RTEL1: variants seen among roughly 807,000 people sequenced by gnomAD.
RTEL1 encodes regulator of telomere elongation helicase 1, also known as regulator of telomere length.
Under a neutral mutation model 162.2 loss-of-function variants are expected in RTEL1, and 86 were observed. That is an observed-to-expected ratio of 0.53 (90% CI 0.45 to 0.63). The LOEUF (loss-of-function observed/expected upper bound fraction) is 0.63, where lower values mean the gene tolerates loss of function less well. RTEL1 is among the 30% of genes least tolerant of loss of function. RTEL1 has a pLI of 0.00. For missense variants in RTEL1, 1,941 were observed against 1,750.2 expected (o/e 1.11, Z -1.95); for synonymous variants, 958 against 717.9 (o/e 1.33, Z -5.35).
At chr20:63,674,946 T>C (rs2090319149) in intron 10 of RTEL1, among the ~76,000 whole-genome samples, 1 of 151,976 alleles carries the variant, frequency 6.6e-6, no homozygotes, top group African/African-American at 2.4e-5. Flanking sequence ...TCACTTTTGT[T>C]GCCCAGGCTG....
chr20:63,693,087 T>A (rs2090799127), intron 29 of RTEL1, 56 bp from the exon 30 acceptor site: 25 of 1,611,088 alleles, frequency 1.6e-5, no homozygotes, highest in Non-Finnish European at 2.0e-5. Context: ...TCCAAGGTGG[T>A]CTCTGTTCTC....
In RTEL1 at chr20:63,693,423, TCCACCTCCA is replaced by T. The variant is rs1309099310; in HGVS notation, c.2992+146_2992+154del. 1.4e-5 allele frequency: 13 copies of T among 923,858 alleles called. No individual in the cohort carries two copies. The East Asian group carries it at 2.6e-4, about 19-fold the overall frequency. 57.2% of individuals were successfully genotyped at this position (923,858 alleles called of 1,614,324 possible). Reference sequence around the variant, plus strand: ...TTCCCCTATGGGAGTGATGGGGGCCTCCACCTCCACCACCAGCACCAGCAGCACCACCTC... The same window carrying T: ...TTCCCCTATGGGAGTGATGGGGGCCTCCACCAGCACCAGCAGCACCACCTC... On this transcript the variant is annotated intron_variant, in intron 30 of 34. Coordinates refer to ENST00000360203, the MANE Select transcript of RTEL1 (RefSeq NM_001283009.2).
At chr20:63,667,612 G>C (rs968737066) in intron 8 of RTEL1, 59 bp downstream of exon 8, 1 of 1,378,350 alleles carries the variant, frequency 7.3e-7, no homozygotes, top group African/African-American at 1.4e-5. Flanking sequence ...CCTGGGCTTG[G>C]GAACAGCTGT....
At position 63,694,751 on chromosome 20, in the gene RTEL1, C is replaced by A; in HGVS notation, c.3120C>A (p.Gly1040=). The change falls in exon 32 of 35, where the codon GGC becomes GGA. Residue 1040 remains glycine, a synonymous_variant. Coordinates refer to ENST00000360203, the MANE Select transcript of RTEL1 (RefSeq NM_001283009.2). ...SPRPPPTGDP[G]SQPQWGSGVP... is the part of the protein sequence containing the mutation. The stretch of plus-strand genomic sequence containing the variant: ...CTACTCCCACACCAGGAGACCCTGG[C>A]AGCCAACCACAGTGGGGGTCTGGAG... 6.2e-7 allele frequency: 1 copy of A among 1,603,518 alleles called. No homozygotes were observed. The highest frequency in any genetic ancestry group is 1.1e-5 in the South Asian group (1 of 90,804).
In RTEL1 at chr20:63,659,501, G is replaced by GCAGGTAGAGCACAGGCCC. The variant is rs1478655064; in HGVS notation, c.101_102+16dup. ...TGACCAAGGTCCTGGAATGTCTGCA[G>GCAGGTAGAGCACAGGCCC]CAGGTAGAGCACAGGCCCCGAGGAA... On this transcript the variant is annotated inframe_insertion, in exon 2 of 35. Coordinates refer to ENST00000360203, the MANE Select transcript of RTEL1 (RefSeq NM_001283009.2). 10 of 1,611,912 alleles carry GCAGGTAGAGCACAGGCCC rather than the reference G, an allele frequency of 6.2e-6. No individual in the cohort carries two copies. The South Asian group carries it at 8.8e-5, about 14-fold the overall frequency.
rs1039999594 is a variant in RTEL1 at position 63,695,916 on chromosome 20, C to G, written c.*58C>G. On this transcript the variant is annotated 3_prime_UTR_variant, in exon 35 of 35. Coordinates refer to ENST00000360203, the MANE Select transcript of RTEL1 (RefSeq NM_001283009.2). ...GGCTTGATCACCTGCCTGTCCAGCT[C>G]TGGTGGGCCAAGAACCCACCCAACA... The G allele has an allele frequency of 1.3e-6, 2 of 1,507,596 alleles. No individual in the cohort carries two copies. Among genetic ancestry groups the G allele is most frequent in the African/African-American group, 1.4e-5 (1 of 72,654 alleles). 93.4% of individuals were successfully genotyped at this position (1,507,596 alleles called of 1,614,324 possible).
At chr20:63,685,045 GTTT>G (rs745351879) in intron 14 of RTEL1, among the ~76,000 whole-genome samples, 9 of 127,466 alleles carry the variant, frequency 7.1e-5, no homozygotes, top group Middle Eastern at 4.0e-3. Flanking sequence ...GCCCGGCTAG[GTTT>G]TTTTTTTTTT....
chr20:63,688,438 T>C (rs755499475), intron 20 of RTEL1, 52 bp downstream of exon 20: 3 of 1,606,420 alleles, frequency 1.9e-6, no homozygotes, highest in Non-Finnish European at 1.7e-6. Flanking sequence ...GGCTGGAGCA[T>C]GAAGCAGGCA....
At chr20:63,693,487 C>CCAG (rs2090845260) in intron 30 of RTEL1, among the ~76,000 whole-genome samples, 1 of 93,644 alleles carries the variant, frequency 1.1e-5, no homozygotes, top group African/African-American at 4.5e-5. Context: ...ACCTCCACCA[C>CCAG]CACCTCCACC....
chr20:63,694,333 G>A (rs757378699), intron 30 of RTEL1, 39 bp from the exon 31 acceptor site: 16 of 850,820 alleles, frequency 1.9e-5, no homozygotes, highest in East Asian at 1.6e-4. Context: ...CTTTCCAGAT[G>A]CTCTCGACCA....
chr20:63,685,925 C>T (rs2090582754), intron 16 of RTEL1, 53 bp downstream of exon 16: 4 of 1,521,864 alleles, frequency 2.6e-6, no homozygotes, highest in Non-Finnish European at 1.8e-6. Context: ...GTGCCCGGCA[C>T]CACCATGCCA....
rs2146150701 is a variant in RTEL1, at chr20:63,661,875, T to C, written c.327T>C (p.Ile109=). The C allele has an allele frequency of 6.2e-7, 1 of 1,614,038 alleles. No individual in the cohort carries two copies. The highest frequency in any genetic ancestry group is 8.5e-7 in the Non-Finnish European group (1 of 1,179,980). Residue 109 remains isoleucine (I), a synonymous_variant, in exon 4 of 35, where the codon ATT becomes ATC. Transcript: ENST00000360203. The surrounding 1 kb of genome is among the most constrained non-coding windows in gnomAD (Gnocchi z 5.1). The part of the protein sequence containing the change: ...PIACYTDIPK[I]IYASRTHSQL... Reference sequence around the variant, plus strand: ...CTTGCTACACGGACATCCCAAAGATTATTTACGCCTCCAGGACCCACTCGC... The same window carrying C: ...CTTGCTACACGGACATCCCAAAGATCATTTACGCCTCCAGGACCCACTCGC...
At chr20:63,670,951 A>G (rs1363867622) in intron 8 of RTEL1, among the ~76,000 whole-genome samples, 1 of 152,244 alleles carries the variant, frequency 6.6e-6, no homozygotes, top group Admixed American at 6.5e-5. Flanking sequence ...GTACCCGAAC[A>G]CTAACAGCAG....
In RTEL1 at chr20:63,672,710, C is replaced by A; in HGVS notation, c.765+89C>A. 7.1e-6 allele frequency: 8 copies of A among 1,124,450 alleles called. No homozygotes were observed. The South Asian group carries it at 8.0e-5, about 11-fold the overall frequency. 69.7% of individuals were successfully genotyped at this position (1,124,450 alleles called of 1,614,324 possible). On this transcript the variant is annotated intron_variant, in intron 9 of 34. Transcript: ENST00000360203. ...CAAACCTTTCTGGAGGGGCTCTGGC[C>A]AAACTCCTGAAGCCCTAGGTGCCCA...
intron 14 of RTEL1, 103 bp from the exon 15 acceptor site, chr20:63,685,420 A>G: frequency 8.4e-7 from 1 of 1,187,000 alleles, no homozygotes; most frequent in Non-Finnish European, 1.2e-6. Context: ...CGGTGAACCG[A>G]TGACCCCTGG....
At chr20:63,685,931 T>C in intron 16 of RTEL1, 59 bp downstream of exon 16, 1 of 1,512,282 alleles carries the variant, frequency 6.6e-7, no homozygotes. Flanking sequence ...GGCACCACCA[T>C]GCCACAGGCT....
rs892721754 is a variant in RTEL1, at chr20:63,668,321, C to T, written c.699+768C>T. On this transcript the variant is annotated intron_variant, in intron 8 of 34. Transcript: ENST00000360203. This position sits in a 1 kb window ranked among gnomAD's most constrained non-coding sequence, Gnocchi z 4.3. ...TTCCAGATCCCGTCGTTGGTTCGCT[C>T]ATTCTCGGGGTGTATATTTATTGAG... is the stretch of plus-strand genomic sequence containing the variant. Among the ~76,000 whole-genome samples, 2 of 152,196 alleles carry T rather than the reference C, an allele frequency of 1.3e-5. No homozygotes were observed. Among genetic ancestry groups the T allele is most frequent in the Non-Finnish European group, 1.5e-5 (1 of 68,036 alleles).
At position 63,695,472 on chromosome 20, in the gene RTEL1, C is replaced by T. The variant is rs1568726633; in HGVS notation, c.3644C>T (p.Ser1215Phe). Reference protein sequence around the residue: ...SSGPPHGPAASEWGEPHGRDI... With the variant: ...SSGPPHGPAAFEWGEPHGRDI... ...GGACCTCCCCACGGGCCTGCAGCAT[C>T]TGAGTGGGGTGAGCCTCATGGGAGA... The change falls in exon 34 of 35, where the codon TCT becomes TTT. Residue 1215 changes from serine to phenylalanine, a missense_variant. Coordinates refer to ENST00000360203, the MANE Select transcript of RTEL1 (RefSeq NM_001283009.2). 5 of 1,603,402 alleles carry T rather than the reference C, an allele frequency of 3.1e-6. No individual in the cohort carries two copies. Among genetic ancestry groups the T allele is most frequent in the Non-Finnish European group, 4.3e-6 (5 of 1,174,664 alleles).
intron 8 of RTEL1, among the ~76,000 whole-genome samples, chr20:63,672,064 A>C (rs1004295046): frequency 6.8e-6 from 1 of 147,010 alleles, no homozygotes; most frequent in Non-Finnish European, 1.5e-5. Context: ...TTGTATTTTT[A>C]GTAGAGACGG....
Sources: gnomAD v4.1 joint callset for allele counts (sites outside exome capture counted in the v4.1 genomes callset) on GRCh38, gnomAD v4.1.1 for gene constraint, Gnocchi (gnomAD v3.1) non-coding constraint, MANE v1.5 for transcripts, NCBI Gene and HGNC (gene_info 2026-07-23, HGNC 2026-07-21) for gene names.